ARHGAP15: variants seen among roughly 807,000 people sequenced by gnomAD.
The protein encoded by ARHGAP15 is rho GTPase-activating protein 15.
Under a neutral mutation model 63.7 loss-of-function variants are expected in ARHGAP15, and 51 were observed. The ratio of observed to expected loss-of-function variants is 0.80; its 90% CI spans 0.64 to 1.01. ARHGAP15 has a LOEUF of 1.01. ARHGAP15 is among the 50% of genes least tolerant of loss of function. ARHGAP15 has a pLI of 0.00. For synonymous variants in ARHGAP15, 191 were observed against 193.8 expected (o/e 0.99, Z 0.12); for missense variants, 560 against 564.6 (o/e 0.99, Z 0.08).
At chr2:143,311,552 T>A (rs1683449199) in intron 6 of ARHGAP15, among the ~76,000 whole-genome samples, 1 of 152,066 alleles carries the variant, frequency 6.6e-6, no homozygotes, top group South Asian at 2.1e-4. Flanking sequence ...TTATAGTAAT[T>A]GGGTGTGCAT....
At chr2:143,171,468 C>T (rs1690778385) in intron 2 of ARHGAP15, among the ~76,000 whole-genome samples, 1 of 152,044 alleles carries the variant, frequency 6.6e-6, no homozygotes, top group South Asian at 2.1e-4. Context: ...AGTATAGTAA[C>T]CACAATTATA....
chr2:143,570,388 C>G (rs1696403668), intron 11 of ARHGAP15, among the ~76,000 whole-genome samples: 1 of 152,172 alleles, frequency 6.6e-6, no homozygotes, highest in East Asian at 1.9e-4. Context: ...TTATATATCA[C>G]TAGTGAAAAT....
intron 6 of ARHGAP15, among the ~76,000 whole-genome samples, chr2:143,311,492 C>A (rs935178331): frequency 2.6e-5 from 4 of 152,070 alleles, no homozygotes; most frequent in African/African-American, 9.7e-5. Flanking sequence ...CCTATCATAT[C>A]ATTTGCAGTT....
intron 8 of ARHGAP15, among the ~76,000 whole-genome samples, chr2:143,477,326 G>C (rs973168325): frequency 6.6e-5 from 10 of 151,894 alleles, no homozygotes; most frequent in African/African-American, 2.4e-4. Flanking sequence ...GGCTGAGAAG[G>C]GTCCTTTTTA....
intron 12 of ARHGAP15, among the ~76,000 whole-genome samples, chr2:143,652,298 A>C (rs1351876000): frequency 6.6e-6 from 1 of 152,050 alleles, no homozygotes; most frequent in East Asian, 1.9e-4. Flanking sequence ...TTGCAGTGCA[A>C]AAAACAGCCA....
At chr2:143,315,161 T>C (rs977667484) in intron 6 of ARHGAP15, among the ~76,000 whole-genome samples, 1 of 152,182 alleles carries the variant, frequency 6.6e-6, no homozygotes, top group African/African-American at 2.4e-5. Context: ...AAGTAGAATT[T>C]TAACATATCA....
intron 12 of ARHGAP15, among the ~76,000 whole-genome samples, chr2:143,683,298 A>C (rs562301301): frequency 3.9e-5 from 6 of 152,212 alleles, no homozygotes; most frequent in Non-Finnish European, 5.9e-5. Flanking sequence ...ATGAGCAAAA[A>C]TGATAAGATA....
At chr2:143,421,696 A>G (rs1247142599) in intron 6 of ARHGAP15, among the ~76,000 whole-genome samples, 1 of 151,802 alleles carries the variant, frequency 6.6e-6, no homozygotes, top group Admixed American at 6.6e-5. Flanking sequence ...AAAGGGAGGT[A>G]TTATTAAATA....
At chr2:143,281,550 A>G (rs1463783947) in intron 6 of ARHGAP15, among the ~76,000 whole-genome samples, 1 of 152,160 alleles carries the variant, frequency 6.6e-6, no homozygotes, top group South Asian at 2.1e-4. Context: ...AGATACTTCA[A>G]ATGACTCTTC....
chr2:143,416,291 G>A (rs748143274), intron 6 of ARHGAP15, among the ~76,000 whole-genome samples: 2 of 151,896 alleles, frequency 1.3e-5, no homozygotes, highest in Non-Finnish European at 2.9e-5. Flanking sequence ...ACTTGGTCTC[G>A]TGGCATATAA....
intron 8 of ARHGAP15, among the ~76,000 whole-genome samples, chr2:143,455,043 C>T (rs2105142857): frequency 6.6e-6 from 1 of 151,926 alleles, no homozygotes; most frequent in East Asian, 1.9e-4. Context: ...GGACCTCGCG[C>T]AAGAAAGAAT....
chr2:143,455,386 A>G (rs767594680), intron 8 of ARHGAP15, among the ~76,000 whole-genome samples: 98 of 151,882 alleles, frequency 6.5e-4, no homozygotes, highest in Non-Finnish European at 1.2e-3. Context: ...TGGCTTCTTT[A>G]CCACATCCTT....
At position 143,270,901 on chromosome 2, in the gene ARHGAP15, A is replaced by C. The variant is rs370228738; in HGVS notation, c.474+20301A>C. On this transcript the variant is annotated intron_variant, in intron 6 of 13. Transcript: ENST00000295095. ...AAACATATTTATCAGTCATATTCAA[A>C]ATATTTTAATGTATATTCAAAAACA... 2.8e-4 allele frequency among the ~76,000 whole-genome samples: 42 copies of C among 152,188 alleles called. 1 individual carries two copies. Among genetic ancestry groups the C allele is most frequent in the African/African-American group, 9.9e-4 (41 of 41,458 alleles).
At chr2:143,296,025 C>T (rs1193980017) in intron 6 of ARHGAP15, among the ~76,000 whole-genome samples, 1 of 152,010 alleles carries the variant, frequency 6.6e-6, no homozygotes, top group Admixed American at 6.6e-5. Flanking sequence ...ACCAAGACCT[C>T]GGTATTCTGG....
chr2:143,505,409 A>C (rs750264841), intron 9 of ARHGAP15, among the ~76,000 whole-genome samples: 1 of 152,184 alleles, frequency 6.6e-6, no homozygotes, highest in African/African-American at 2.4e-5. Flanking sequence ...GGGACAGGAT[A>C]AGGTGTTTTG....
intron 2 of ARHGAP15, among the ~76,000 whole-genome samples, chr2:143,195,291 G>T (rs1378804481): frequency 6.6e-6 from 1 of 152,084 alleles, no homozygotes; most frequent in Admixed American, 6.5e-5. Flanking sequence ...GCAGATGGAG[G>T]AAAGTGGAAT....
At chr2:143,328,984 TTAAG>T (rs1293109811) in intron 6 of ARHGAP15, among the ~76,000 whole-genome samples, 1 of 152,214 alleles carries the variant, frequency 6.6e-6, no homozygotes, top group Non-Finnish European at 1.5e-5. Flanking sequence ...CCCACAAAAA[TTAAG>T]TTTTTTAAAA....
At chr2:143,482,944 A>G (rs1430883622) in intron 8 of ARHGAP15, among the ~76,000 whole-genome samples, 2 of 152,216 alleles carry the variant, frequency 1.3e-5, no homozygotes, top group African/African-American at 4.8e-5. Context: ...ATCTGAGGAC[A>G]ATTATTTACG....
intron 5 of ARHGAP15, among the ~76,000 whole-genome samples, chr2:143,244,812 A>C (rs1462225571): frequency 6.6e-6 from 1 of 152,212 alleles, no homozygotes; most frequent in African/African-American, 2.4e-5. Context: ...CAAGAGGTAG[A>C]AGAATTCTTG....
Sources: gnomAD v4.1 joint callset for allele counts (sites outside exome capture counted in the v4.1 genomes callset) on GRCh38, gnomAD v4.1.1 for gene constraint, MANE v1.5 for transcripts, NCBI Gene and HGNC (gene_info 2026-07-23, HGNC 2026-07-21) for gene names.